Variants in THAP8 observed in about 807,000 individuals in gnomAD.
The protein encoded by THAP8 is THAP domain-containing protein 8.
Under a neutral mutation model 25.0 loss-of-function variants are expected in THAP8, and 24 were observed. The observed-to-expected ratio is 0.96, with a 90% CI of 0.69 to 1.35. The LOEUF is 1.35. THAP8 is among the 40% of genes most tolerant of loss of function. The pLI is 0.00. For synonymous variants in THAP8, 169 were observed against 157.6 expected (o/e 1.07, Z -0.54); for missense variants, 399 against 368.8 (o/e 1.08, Z -0.67).
chr19:36,040,456 A>G (rs1969653080), intron 1 of THAP8, among the ~76,000 whole-genome samples: 1 of 152,090 alleles, frequency 6.6e-6, no homozygotes, highest in Non-Finnish European at 1.5e-5. Context: ...CCTCCTGAGT[A>G]GCTGGGACTA....
At chr19:36,047,542 G>C (rs570506565) in intron 1 of THAP8, among the ~76,000 whole-genome samples, 54 of 152,318 alleles carry the variant, frequency 3.5e-4, no homozygotes, top group African/African-American at 9.4e-4. Context: ...GCAGAAAGAG[G>C]CCGGGCATGG....
intron 1 of THAP8, 21 bp from the exon 2 acceptor site, chr19:36,040,157 C>T (rs758181852): frequency 6.3e-7 from 1 of 1,590,496 alleles, no homozygotes; most frequent in East Asian, 2.3e-5. Context: ...GGTTGGGGGG[C>T]TGGGTCAGTG....
chr19:36,037,939 TTTTTTG>T lies in THAP8; in HGVS notation c.672+1378_672+1383del, dbSNP rs200847945. On this transcript the variant is annotated intron_variant, in intron 3 of 3. Coordinates refer to ENST00000292894, the MANE Select transcript of THAP8 (RefSeq NM_152658.3). Reference sequence around the variant, plus strand: ...AGGCATGAGCCACCACACCCGGCCTTTTTTTGTTTTTGTTTTTGTTTTTGAGATGGC... The same window carrying T: ...AGGCATGAGCCACCACACCCGGCCTTTTTTTGTTTTTGTTTTTGAGATGGC... 2.8e-3 allele frequency among the ~76,000 whole-genome samples: 428 copies of T among 151,190 alleles called. 4 individuals are homozygous for T. The highest frequency in any genetic ancestry group is 0.014 in the Admixed American group (216 of 15,156).
intron 1 of THAP8, among the ~76,000 whole-genome samples, chr19:36,052,191 T>C (rs563962075): frequency 8.5e-5 from 13 of 152,240 alleles, no homozygotes; most frequent in African/African-American, 2.9e-4. Context: ...ATTACAGGCA[T>C]GTGCCACCAC....
intron 1 of THAP8, among the ~76,000 whole-genome samples, chr19:36,045,337 C>A (rs968024483): frequency 6.6e-6 from 1 of 150,520 alleles, no homozygotes; most frequent in Admixed American, 6.6e-5. Context: ...GGTGTGATCT[C>A]GGCTCCCTGC....
At chr19:36,053,385 AAAAAAAAAAAAAAAT>A (rs1433141893) in intron 1 of THAP8, among the ~76,000 whole-genome samples, 4 of 125,126 alleles carry the variant, frequency 3.2e-5, no homozygotes, top group East Asian at 2.5e-4. Context: ...AAAAAAAAAA[AAAAAAAAAAAAAAAT>A]TTAAATTATC....
intron 1 of THAP8, among the ~76,000 whole-genome samples, chr19:36,045,158 G>A (rs539996711): frequency 1.2e-3 from 183 of 152,148 alleles, no homozygotes; most frequent in Middle Eastern, 3.4e-3. Flanking sequence ...CGCAATCTCG[G>A]CTCACTGCAA....
intron 1 of THAP8, among the ~76,000 whole-genome samples, chr19:36,040,891 AAG>A (rs1969668686): frequency 6.6e-6 from 1 of 152,178 alleles, no homozygotes; most frequent in Non-Finnish European, 1.5e-5. Context: ...TTTCTGGATT[AAG>A]AGAGATTTAA....
At chr19:36,045,811 G>A (rs1367726815) in intron 1 of THAP8, 1 of 456,536 alleles carries the variant, frequency 2.2e-6, no homozygotes, top group African/African-American at 2.0e-5. Flanking sequence ...AGGCAAAGAA[G>A]AGATTCTCCC....
Position 36,039,469 on chromosome 19 carries a change from C to T in THAP8, c.526G>A (p.Val176Met). 6.2e-7 allele frequency: 1 copy of T among 1,600,102 alleles called. No homozygotes were observed. The highest frequency in any genetic ancestry group is 8.5e-7 in the Non-Finnish European group (1 of 1,172,340). ...ACCCGGCGTTGCAGTGCTCCCAGCA[C>T]TGGGCCCAGCCCGGTCTGGGCCTGT... Reference protein sequence around the residue: ...AQQAQTGLGPVLGALQRRVRR... With the variant: ...AQQAQTGLGPMLGALQRRVRR... Residue 176 changes from valine to methionine, a missense_variant, in exon 3 of 4, where the codon GTG becomes ATG. Transcript: ENST00000292894.
Position 36,039,468 on chromosome 19 carries a change from A to G in THAP8, c.527T>C (p.Val176Ala), listed in dbSNP as rs929015336. The stretch of plus-strand genomic sequence containing the variant: ...CACCCGGCGTTGCAGTGCTCCCAGC[A>G]CTGGGCCCAGCCCGGTCTGGGCCTG... ...AQQAQTGLGP[V>A]LGALQRRVRR... The change falls in exon 3 of 4, where the codon GTG becomes GCG. Residue 176 changes from valine (V) to alanine (A), a missense_variant. Transcript: ENST00000292894. 2.5e-6 allele frequency: 4 copies of G among 1,600,396 alleles called. No homozygotes were observed. The highest frequency in any genetic ancestry group is 3.4e-6 in the Non-Finnish European group (4 of 1,172,572).
At chr19:36,054,406 C>T (rs1321464454), upstream of THAP8, 6 of 657,798 alleles carry the variant, frequency 9.1e-6, no homozygotes, top group African/African-American at 1.1e-4. Context: ...GCCACAGTCC[C>T]GCCCTCGTCA....
chr19:36,048,007 A>C (rs897664256), intron 1 of THAP8, among the ~76,000 whole-genome samples: 1 of 152,094 alleles, frequency 6.6e-6, no homozygotes, highest in Non-Finnish European at 1.5e-5. Context: ...CACTCCATTG[A>C]CTTGAGGCTT....
intron 3 of THAP8, among the ~76,000 whole-genome samples, chr19:36,038,276 G>T (rs1022865631): frequency 2.0e-5 from 3 of 150,950 alleles, no homozygotes; most frequent in African/African-American, 4.9e-5. Context: ...GTGGTTTTTG[G>T]TTTTTTTTGA....
intron 1 of THAP8, among the ~76,000 whole-genome samples, chr19:36,053,874 C>CACT (rs1299053809): frequency 6.6e-5 from 10 of 152,130 alleles, no homozygotes; most frequent in Admixed American, 3.9e-4. Flanking sequence ...TAACAGCCTG[C>CACT]ACCGACTTCA....
chr19:36,039,638 G>A lies in THAP8; in HGVS notation c.357C>T (p.Ser119=), dbSNP rs1030273427. ...PLQKNTPLPQ[S]PAIPVSGPVR... is the part of the protein sequence containing the mutation. ...CTGGGCCAGAGACTGGGATGGCAGG[G>A]CTCTGGGGCAGGGGTGTATTCTTCT... The change falls in exon 3 of 4, where the codon AGC becomes AGT. Residue 119 remains serine, a synonymous_variant. Transcript: ENST00000292894. 51 of 1,511,882 alleles carry A rather than the reference G, an allele frequency of 3.4e-5. No individual in the cohort carries two copies. The highest frequency in any genetic ancestry group is 4.3e-5 in the Non-Finnish European group (49 of 1,128,502). 93.7% of individuals were successfully genotyped at this position (1,511,882 alleles called of 1,614,324 possible).
intron 1 of THAP8, among the ~76,000 whole-genome samples, chr19:36,042,215 T>C (rs1421615829): frequency 6.6e-6 from 1 of 152,166 alleles, no homozygotes. Flanking sequence ...GAAAACAATA[T>C]GGCAGTTCCT....
Position 36,039,496 on chromosome 19 carries a change from G to T in THAP8, c.499C>A (p.Gln167Lys). ...PERSQPEVPA[Q>K]QAQTGLGPVL... ...GGGCCCAGCCCGGTCTGGGCCTGTT[G>T]GGCAGGGACTTCAGGTTGTGACCGC... The change falls in exon 3 of 4, where the codon CAA (glutamine) becomes AAA (lysine). Residue 167 changes from glutamine to lysine, a missense_variant. Coordinates refer to ENST00000292894, the MANE Select transcript of THAP8 (RefSeq NM_152658.3). The T allele has an allele frequency of 6.3e-7, 1 of 1,585,420 alleles. No homozygotes were observed. The highest frequency in any genetic ancestry group is 8.6e-7 in the Non-Finnish European group (1 of 1,164,208).
intron 3 of THAP8, among the ~76,000 whole-genome samples, chr19:36,036,957 A>AAAAAAG (rs1391916439): frequency 1.3e-4 from 19 of 146,784 alleles, no homozygotes; most frequent in African/African-American, 4.8e-4. Context: ...AAAAAAAAAA[A>AAAAAAG]AAATCGGATA....
Sources: gnomAD v4.1 joint callset for allele counts (sites outside exome capture counted in the v4.1 genomes callset) on GRCh38, gnomAD v4.1.1 for gene constraint, MANE v1.5 for transcripts, NCBI Gene and HGNC (gene_info 2026-07-23, HGNC 2026-07-21) for gene names.